ADGRL3: variants seen among roughly 807,000 people sequenced by gnomAD.
ADGRL3 encodes the protein adhesion G protein-coupled receptor L3.
A neutral mutation model predicts 153.5 loss-of-function variants in ADGRL3; 62 were observed. The ratio of observed to expected loss-of-function variants is 0.40; its 90% CI spans 0.33 to 0.50. The LOEUF (loss-of-function observed/expected upper bound fraction) is 0.50, where lower values mean the gene tolerates loss of function less well. Ranked by LOEUF, ADGRL3 falls within the 20% of genes least tolerant of loss-of-function variation. ADGRL3 has a pLI of 0.47. For synonymous variants in ADGRL3, 710 were observed against 672.5 expected (o/e 1.06, Z -0.86); for missense variants, 1,641 against 1,859.4 (o/e 0.88, Z 2.16).
At chr4:61,412,183 T>G (rs1241569559) in intron 2 of ADGRL3, among the ~76,000 whole-genome samples, 1 of 152,124 alleles carries the variant, frequency 6.6e-6, no homozygotes, top group African/African-American at 2.4e-5. Context: ...CTGGCTCAAG[T>G]CTTCCTCCCA....
At chr4:61,424,127 A>T (rs2097246931) in intron 2 of ADGRL3, among the ~76,000 whole-genome samples, 1 of 152,080 alleles carries the variant, frequency 6.6e-6, no homozygotes, top group South Asian at 2.1e-4. Flanking sequence ...TGGCTTTATT[A>T]TACGCTGTCC....
intron 5 of ADGRL3, among the ~76,000 whole-genome samples, chr4:61,592,169 G>C (rs921534872): frequency 1.1e-4 from 16 of 151,818 alleles, no homozygotes; most frequent in Admixed American, 5.9e-4. Context: ...TAATTTTATA[G>C]CTTACAAAAG....
chr4:61,365,783 ATCTC>A (rs1012873241), intron 1 of ADGRL3, among the ~76,000 whole-genome samples: 3 of 152,184 alleles, frequency 2.0e-5, no homozygotes, highest in African/African-American at 7.2e-5. Flanking sequence ...TTTTCTTATT[ATCTC>A]TCTCTCACTT....
At chr4:61,397,949 A>T (rs1156660598) in intron 2 of ADGRL3, among the ~76,000 whole-genome samples, 1 of 151,908 alleles carries the variant, frequency 6.6e-6, no homozygotes, top group Non-Finnish European at 1.5e-5. Flanking sequence ...TGAACAGGCA[A>T]GTAAATCTGG....
intron 11 of ADGRL3, among the ~76,000 whole-genome samples, chr4:61,899,348 AT>A (rs964539941): frequency 1.1e-4 from 17 of 151,106 alleles, no homozygotes; most frequent in Admixed American, 2.6e-4. Context: ...TCTGCAACTG[AT>A]TTTTTTCCTG....
intron 9 of ADGRL3, among the ~76,000 whole-genome samples, chr4:61,816,044 A>G (rs2097685232): frequency 6.6e-6 from 1 of 152,234 alleles, no homozygotes; most frequent in Admixed American, 6.5e-5. Context: ...ATTATAAATC[A>G]ATGCATTGCT....
intron 22 of ADGRL3, among the ~76,000 whole-genome samples, chr4:62,029,447 A>T (rs781182487): frequency 6.6e-6 from 1 of 151,806 alleles, no homozygotes; most frequent in African/African-American, 2.4e-5. Context: ...TCTAATCTGT[A>T]TGAATATATT....
intron 9 of ADGRL3, among the ~76,000 whole-genome samples, chr4:61,875,280 T>G (rs1320826196): frequency 6.6e-6 from 1 of 152,184 alleles, no homozygotes; most frequent in East Asian, 1.9e-4. Context: ...CCATCTTGGA[T>G]TTTTCTTCAT....
intron 1 of ADGRL3, among the ~76,000 whole-genome samples, chr4:61,370,101 C>G (rs528018477): frequency 9.2e-5 from 14 of 152,054 alleles, no homozygotes; most frequent in Non-Finnish European, 1.8e-4. Context: ...TCTATTGCGT[C>G]TATTTGATTC....
At chr4:61,759,322 A>G (rs1041168034) in intron 8 of ADGRL3, among the ~76,000 whole-genome samples, 2 of 152,086 alleles carry the variant, frequency 1.3e-5, no homozygotes, top group African/African-American at 4.8e-5. Context: ...TCAGACGTAG[A>G]TTTGGTGTTT....
intron 13 of ADGRL3, among the ~76,000 whole-genome samples, chr4:61,928,832 T>G (rs900779946): frequency 6.6e-6 from 1 of 152,136 alleles, no homozygotes; most frequent in Non-Finnish European, 1.5e-5. Context: ...AAAAGGATGC[T>G]TTCAGTTTTC....
At chr4:61,849,913 G>A (rs981003060) in intron 9 of ADGRL3, among the ~76,000 whole-genome samples, 12 of 152,034 alleles carry the variant, frequency 7.9e-5, no homozygotes, top group Admixed American at 2.6e-4. Context: ...TAAACAGAAC[G>A]CTTTTGCCAA....
chr4:61,432,837 C>A (rs566973893), intron 2 of ADGRL3, among the ~76,000 whole-genome samples: 240 of 151,186 alleles, frequency 1.6e-3, no homozygotes, highest in Non-Finnish European at 2.8e-3. Flanking sequence ...ATTTTTAGTA[C>A]AGATGGGGTT....
At chr4:62,032,569 GA>G (rs901136612) in intron 23 of ADGRL3, among the ~76,000 whole-genome samples, 5 of 151,490 alleles carry the variant, frequency 3.3e-5, no homozygotes, top group African/African-American at 1.2e-4. Context: ...AAATGGCTCT[GA>G]AAATGAAATA....
chr4:61,572,803 G>A (rs2098844494), intron 4 of ADGRL3, among the ~76,000 whole-genome samples: 1 of 151,864 alleles, frequency 6.6e-6, no homozygotes, highest in Non-Finnish European at 1.5e-5. Context: ...TAAGCACTTT[G>A]GAGCTTTATA....
intron 6 of ADGRL3, among the ~76,000 whole-genome samples, chr4:61,722,102 GTTTACT>G (rs2096253171): frequency 3.3e-5 from 5 of 152,090 alleles, no homozygotes; most frequent in Admixed American, 3.3e-4. Flanking sequence ...CCAAATCACA[GTTTACT>G]TTTTAATCCT....
chr4:61,984,548 C>A (rs1246518257), intron 19 of ADGRL3, among the ~76,000 whole-genome samples: 1 of 152,130 alleles, frequency 6.6e-6, no homozygotes, highest in Admixed American at 6.5e-5. Context: ...GCCTGGATGA[C>A]AGAGTGAGAA....
At chr4:61,559,443 T>C (rs1194542402) in intron 4 of ADGRL3, among the ~76,000 whole-genome samples, 4 of 152,052 alleles carry the variant, frequency 2.6e-5, no homozygotes, top group Non-Finnish European at 5.9e-5. Flanking sequence ...AAATAAAAAT[T>C]AGAAAATGAA....
chr4:61,629,015 G>A (rs1344082152), intron 5 of ADGRL3, among the ~76,000 whole-genome samples: 2 of 152,160 alleles, frequency 1.3e-5, no homozygotes, highest in African/African-American at 4.8e-5. Context: ...TCTTGCTACA[G>A]CACTAGGGTA....
Sources: allele counts gnomAD v4.1 joint callset (sites outside exome capture counted in the v4.1 genomes callset), GRCh38; gene constraint gnomAD v4.1.1; transcripts MANE v1.5; gene names NCBI Gene and HGNC (gene_info 2026-07-23, HGNC 2026-07-21).